The following CAMTA1 variants were observed in gnomAD, a reference collection of about 807,000 sequenced individuals.
CAMTA1 encodes the protein calmodulin binding transcription activator 1.
CAMTA1 carries 27 observed loss-of-function variants against 170.9 expected under a neutral mutation model. The observed-to-expected ratio is 0.16, with a 90% CI of 0.12 to 0.22. CAMTA1 has a LOEUF of 0.22. Among genes scored for constraint, CAMTA1 ranks in the 10% least tolerant of loss-of-function variants. The pLI is 1.00. For missense variants in CAMTA1, 1,619 were observed against 2,217.2 expected, an observed-to-expected ratio of 0.73 and a Z score of 5.42; for synonymous variants, 833 against 891.5, an observed-to-expected ratio of 0.93 and a Z score of 1.17.
chr1:7,652,691 C>T (rs929418042), intron 7 of CAMTA1, among the ~76,000 whole-genome samples: 1 of 152,166 alleles, frequency 6.6e-6, no homozygotes, highest in Non-Finnish European at 1.5e-5. Flanking sequence ...AGACTTCCCT[C>T]CAGGAAGTGA....
chr1:7,558,271 G>C (rs2094907763), intron 6 of CAMTA1, among the ~76,000 whole-genome samples: 1 of 152,244 alleles, frequency 6.6e-6, no homozygotes, highest in Admixed American at 6.5e-5. Flanking sequence ...CTCTGCTCCT[G>C]TGGGACTGGA....
intron 4 of CAMTA1, among the ~76,000 whole-genome samples, chr1:7,212,353 G>A (rs902523573): frequency 1.3e-5 from 2 of 152,100 alleles, no homozygotes; most frequent in Non-Finnish European, 2.9e-5. Context: ...ATCCAGAGAC[G>A]TGTCACTGCC....
At chr1:7,328,995 T>C (rs904803284) in intron 5 of CAMTA1, among the ~76,000 whole-genome samples, 1 of 152,216 alleles carries the variant, frequency 6.6e-6, no homozygotes, top group Non-Finnish European at 1.5e-5. Flanking sequence ...AGTCCTCATG[T>C]GCTTGGTTAT....
chr1:7,114,234 C>A (rs538829524), intron 4 of CAMTA1, among the ~76,000 whole-genome samples: 21 of 152,238 alleles, frequency 1.4e-4, no homozygotes, highest in African/African-American at 5.1e-4. Context: ...GGAGGGAAGG[C>A]ACCACTGCTG....
intron 3 of CAMTA1, among the ~76,000 whole-genome samples, chr1:7,083,843 A>T (rs1640357976): frequency 6.6e-6 from 1 of 152,198 alleles, no homozygotes; most frequent in African/African-American, 2.4e-5. Flanking sequence ...GACATTAAGT[A>T]TGAGTCTTAA....
At chr1:7,758,502 A>G (rs1275435749) in intron 22 of CAMTA1, among the ~76,000 whole-genome samples, 1 of 152,190 alleles carries the variant, frequency 6.6e-6, no homozygotes, top group Non-Finnish European at 1.5e-5. Flanking sequence ...GATTGCCAAT[A>G]AGATCTTCTC....
At chr1:7,312,588 A>G (rs1676896690) in intron 5 of CAMTA1, among the ~76,000 whole-genome samples, 2 of 152,148 alleles carry the variant, frequency 1.3e-5, no homozygotes, top group African/African-American at 2.4e-5. Flanking sequence ...TCCAGGTTTT[A>G]TAGCTGCATT....
At chr1:7,525,265 C>T (rs1401464661) in intron 6 of CAMTA1, among the ~76,000 whole-genome samples, 1 of 151,788 alleles carries the variant, frequency 6.6e-6, no homozygotes, top group African/African-American at 2.4e-5. Flanking sequence ...TGTGGTGGTC[C>T]TCAGGCCCCC....
intron 6 of CAMTA1, among the ~76,000 whole-genome samples, chr1:7,472,949 C>T (rs911330338): frequency 1.3e-5 from 2 of 152,192 alleles, no homozygotes; most frequent in African/African-American, 4.8e-5. Context: ...GTTGCCTTTA[C>T]CTGGGACTCA....
intron 4 of CAMTA1, among the ~76,000 whole-genome samples, chr1:7,142,406 G>A (rs1332432194): frequency 6.6e-6 from 1 of 152,144 alleles, no homozygotes; most frequent in Non-Finnish European, 1.5e-5. Context: ...CACCCAGCTC[G>A]GCCTCCAGGT....
chr1:7,627,958 G>A (rs1193679251), intron 6 of CAMTA1, among the ~76,000 whole-genome samples: 1 of 152,200 alleles, frequency 6.6e-6, no homozygotes, highest in Non-Finnish European at 1.5e-5. Context: ...TGGAAAGAGT[G>A]ACCGGCTTAG....
At chr1:7,690,136 CTAGGCAACAAG>C (rs2096294674) in intron 11 of CAMTA1, among the ~76,000 whole-genome samples, 2 of 147,688 alleles carry the variant, frequency 1.4e-5, no homozygotes, top group African/African-American at 5.4e-5. Flanking sequence ...GCACTCCAGC[CTAGGCAACAAG>C]AGCGAAACTC....
chr1:7,640,626 G>A, intron 7 of CAMTA1, 73 bp downstream of exon 7: 1 of 1,564,272 alleles, frequency 6.4e-7, no homozygotes, highest in South Asian at 1.1e-5. Flanking sequence ...GGGCCAGGAA[G>A]GTCCTCTGTG....
intron 6 of CAMTA1, among the ~76,000 whole-genome samples, chr1:7,546,048 C>T (rs565111356): frequency 1.1e-4 from 16 of 152,054 alleles, no homozygotes; most frequent in African/African-American, 3.4e-4. Flanking sequence ...CTCCACCTCC[C>T]GGGTTCACAC....
At chr1:7,453,510 C>T (rs554774372) in intron 5 of CAMTA1, among the ~76,000 whole-genome samples, 7 of 152,346 alleles carry the variant, frequency 4.6e-5, no homozygotes, top group South Asian at 2.1e-4. Context: ...ATTTTATGTC[C>T]GGATGAAATA....
At chr1:7,711,251 A>G (rs1416888298) in intron 11 of CAMTA1, among the ~76,000 whole-genome samples, 3 of 152,164 alleles carry the variant, frequency 2.0e-5, no homozygotes, top group Admixed American at 6.5e-5. Flanking sequence ...AATCCCATTC[A>G]TGAAGGCTGT....
At position 7,581,870 on chromosome 1, in the gene CAMTA1, C is replaced by T. The variant is rs74055154; in HGVS notation, c.511-58530C>T. Among the ~76,000 whole-genome samples the T allele has an allele frequency of 3.9e-3, 592 of 152,320 alleles. 5 individuals are homozygous for T. The highest frequency in any genetic ancestry group is 0.013 in the African/African-American group (540 of 41,568). The stretch of plus-strand genomic sequence containing the variant: ...CCTCCTTTAAGCCATGTCTCAGTCT[C>T]CTCATCAGTCACCAGAGGGCAGGAA... On this transcript the variant is annotated intron_variant, in intron 6 of 22. Transcript: ENST00000303635.
At chr1:7,530,551 T>G (rs1316597424) in intron 6 of CAMTA1, among the ~76,000 whole-genome samples, 1 of 151,910 alleles carries the variant, frequency 6.6e-6, no homozygotes, top group Non-Finnish European at 1.5e-5. Flanking sequence ...GGGTTATAGA[T>G]GAGGGAGGGT....
At chr1:6,808,337 G>A (rs924011212) in intron 1 of CAMTA1, among the ~76,000 whole-genome samples, 1 of 151,994 alleles carries the variant, frequency 6.6e-6, no homozygotes, top group African/African-American at 2.4e-5. Flanking sequence ...CTACAGTCAC[G>A]TCACATTTTT....
Sources: gnomAD v4.1 joint callset for allele counts (sites outside exome capture counted in the v4.1 genomes callset) on GRCh38, gnomAD v4.1.1 for gene constraint, MANE v1.5 for transcripts, NCBI Gene and HGNC (gene_info 2026-07-23, HGNC 2026-07-21) for gene names.